Variants in MIPEP observed in about 807,000 individuals in gnomAD.
MIPEP encodes the protein mitochondrial intermediate peptidase.
MIPEP carries 79 observed loss-of-function variants against 90.3 expected under a neutral mutation model. That is an observed-to-expected ratio of 0.87 (90% CI 0.73 to 1.05). The LOEUF (loss-of-function observed/expected upper bound fraction) is 1.05, where lower values mean the gene tolerates loss of function less well. MIPEP is among the 50% of genes least tolerant of loss of function. MIPEP has a pLI of 0.00. For synonymous variants in MIPEP, 334 were observed against 315.8 expected, an observed-to-expected ratio of 1.06 and a Z score of -0.61; for missense variants, 940 against 905.6, an observed-to-expected ratio of 1.04 and a Z score of -0.49.
intron 16 of MIPEP, among the ~76,000 whole-genome samples, chr13:23,789,300 T>C (rs914172298): frequency 6.6e-6 from 1 of 152,252 alleles, no homozygotes; most frequent in South Asian, 2.1e-4. Context: ...TTGTGATTTC[T>C]TCCATTTCTA....
chr13:23,740,432 A>C (rs1952314542), intron 18 of MIPEP, among the ~76,000 whole-genome samples: 1 of 86,720 alleles, frequency 1.2e-5, no homozygotes, highest in Non-Finnish European at 2.2e-5. Flanking sequence ...CTGTGGCCTC[A>C]AAAAAAAAAA....
intron 1 of MIPEP, 74 bp from the exon 2 acceptor site, chr13:23,886,580 C>T (rs1317947527): frequency 4.0e-6 from 5 of 1,259,566 alleles, no homozygotes; most frequent in Non-Finnish European, 5.4e-6. Flanking sequence ...ACTAAAATTA[C>T]TTTTATCACA....
rs1473209408 is a variant in MIPEP, at chr13:23,854,909, A to AC, written c.1106+3950_1106+3951insG. Among the ~76,000 whole-genome samples the AC allele has an allele frequency of 4.0e-5, 6 of 151,750 alleles. No individual in the cohort carries two copies. In the South Asian group the frequency reaches 1.0e-3, roughly 26 times the overall value. ...TCTGTCTCAAAAAAAAAGAAAAAAAAACAATAAACAAACAAACAAACAAAA... is the reference window on the plus strand; with the variant it reads ...TCTGTCTCAAAAAAAAAGAAAAAAAACACAATAAACAAACAAACAAACAAAA... On this transcript the variant is annotated intron_variant, in intron 10 of 18. Transcript: ENST00000382172.
chr13:23,758,625 A>G (rs1276779034), intron 17 of MIPEP, among the ~76,000 whole-genome samples: 1 of 152,228 alleles, frequency 6.6e-6, no homozygotes, highest in African/African-American at 2.4e-5. Flanking sequence ...TAAAAATAAA[A>G]TCTGAAGAGC....
intron 10 of MIPEP, among the ~76,000 whole-genome samples, chr13:23,843,028 C>A (rs1415565703): frequency 7.5e-6 from 1 of 133,316 alleles, no homozygotes. Flanking sequence ...ACCCAGGAGG[C>A]GGAGGTTGAG....
chr13:23,803,659 T>C (rs551624554), intron 16 of MIPEP, among the ~76,000 whole-genome samples: 1 of 152,294 alleles, frequency 6.6e-6, no homozygotes, highest in South Asian at 2.1e-4. Flanking sequence ...TTCACTGATA[T>C]CTGTGCATCC....
At chr13:23,806,223 C>T (rs890627272) in intron 15 of MIPEP, among the ~76,000 whole-genome samples, 154 bp from the exon 16 acceptor site, 1 of 152,190 alleles carries the variant, frequency 6.6e-6, no homozygotes, top group African/African-American at 2.4e-5. Flanking sequence ...AAATGTATTT[C>T]ATACCACATT....
In MIPEP at chr13:23,806,000, G is replaced by A. The variant is rs1378070360; in HGVS notation, c.1798C>T (p.Leu600Phe). Reference protein sequence around the residue: ...HPLRNSTTDILKETQEKFYGL... With the variant: ...HPLRNSTTDIFKETQEKFYGL... Reference sequence around the variant, plus strand: ...TAGAATTTCTCTTGTGTTTCCTTGAGAATGTCTGTGGTTGAATTCCTCAGG... The same window carrying A: ...TAGAATTTCTCTTGTGTTTCCTTGAAAATGTCTGTGGTTGAATTCCTCAGG... Residue 600 changes from leucine (L) to phenylalanine (F), a missense_variant, in exon 16 of 19, where the codon CTC becomes TTC. Transcript: ENST00000382172. 5 of 1,613,990 alleles carry A rather than the reference G, an allele frequency of 3.1e-6. No individual in the cohort carries two copies. In the East Asian group the frequency reaches 6.7e-5, roughly 22 times the overall value.
intron 6 of MIPEP, 113 bp from the exon 7 acceptor site, chr13:23,869,561 A>C: frequency 1.0e-6 from 1 of 1,001,020 alleles, no homozygotes; most frequent in Non-Finnish European, 1.4e-6. Context: ...TGCTTTCAAA[A>C]TAAAGCAATG....
intron 10 of MIPEP, among the ~76,000 whole-genome samples, chr13:23,842,777 G>A (rs959341319): frequency 3.3e-5 from 5 of 152,192 alleles, no homozygotes; most frequent in African/African-American, 1.2e-4. Flanking sequence ...GTGCAGAGTA[G>A]CACCAGGGAA....
chr13:23,817,397 C>T (rs764715603), intron 14 of MIPEP, among the ~76,000 whole-genome samples: 16 of 152,146 alleles, frequency 1.1e-4, no homozygotes, highest in Non-Finnish European at 2.1e-4. Context: ...GAGAATCCCC[C>T]TTTCCTCACC....
At chr13:23,861,598 A>G (rs908265587) in intron 9 of MIPEP, among the ~76,000 whole-genome samples, 1 of 152,180 alleles carries the variant, frequency 6.6e-6, no homozygotes, top group African/African-American at 2.4e-5. Flanking sequence ...CCTTATGACT[A>G]TGGCTCTGGC....
At chr13:23,872,611 C>T (rs1483882887) in intron 5 of MIPEP, among the ~76,000 whole-genome samples, 2 of 152,068 alleles carry the variant, frequency 1.3e-5, no homozygotes, top group Non-Finnish European at 2.9e-5. Flanking sequence ...TAGTGGAGCA[C>T]CTCTGAGAAC....
chr13:23,741,833 AAAAAT>A (rs1322725355), intron 18 of MIPEP, among the ~76,000 whole-genome samples: 5 of 152,068 alleles, frequency 3.3e-5, no homozygotes, highest in African/African-American at 1.2e-4. Flanking sequence ...TTTAAAAAAA[AAAAAT>A]AAAAGTTAAA....
intron 18 of MIPEP, among the ~76,000 whole-genome samples, chr13:23,733,387 A>G (rs1188562263): frequency 6.6e-6 from 1 of 152,206 alleles, no homozygotes; most frequent in Non-Finnish European, 1.5e-5. Context: ...AGGCTGGAAG[A>G]GACTCTGGGA....
At position 23,864,125 on chromosome 13, in the gene MIPEP, T is replaced by C. The variant is rs911656817; in HGVS notation, c.992+16A>G. ...AACATATAACCAAAAAACTAAATAG[T>C]AGAATAAAAACTAACCTTTCAGAAA... On this transcript the variant is annotated intron_variant, in intron 8 of 18. Transcript: ENST00000382172. 3 of 1,441,132 alleles carry C rather than the reference T, an allele frequency of 2.1e-6. No individual in the cohort carries two copies. The highest frequency in any genetic ancestry group is 2.1e-5 in the Admixed American group (1 of 47,370). 89.3% of individuals were successfully genotyped at this position (1,441,132 alleles called of 1,614,324 possible). A position where few individuals can be genotyped will look rare whatever the true frequency, so the allele number is the denominator to read the frequency against.
rs67915328 is a variant in MIPEP, at chr13:23,785,624, T to TA, written c.1848+20325dup. 2.0e-3 allele frequency among the ~76,000 whole-genome samples: 239 copies of TA among 119,274 alleles called. 1 individual carries two copies. The highest frequency in any genetic ancestry group is 0.015 in the East Asian group (59 of 3,872). 78.2% of individuals were successfully genotyped at this position (119,274 alleles called of 152,430 possible). On this transcript the variant is annotated intron_variant, in intron 16 of 18. Coordinates refer to ENST00000382172, the MANE Select transcript of MIPEP (RefSeq NM_005932.4). ...ATGTACCCTAGAACTTAAAGTATAA[T>TA]AAAAAAAAAAAAAAGAAAAAAAGAA...
At chr13:23,827,188 T>C (rs1868495137) in intron 14 of MIPEP, among the ~76,000 whole-genome samples, 1 of 151,742 alleles carries the variant, frequency 6.6e-6, no homozygotes, top group African/African-American at 2.4e-5. Context: ...AGTGATAAAG[T>C]GGACAAAATT....
At chr13:23,861,431 G>A (rs1019125665) in intron 9 of MIPEP, among the ~76,000 whole-genome samples, 3 of 152,116 alleles carry the variant, frequency 2.0e-5, no homozygotes, top group Admixed American at 1.3e-4. Flanking sequence ...ACTAACAGTA[G>A]TTACTTTGCT....
Sources: gnomAD v4.1 joint callset for allele counts (sites outside exome capture counted in the v4.1 genomes callset) on GRCh38, gnomAD v4.1.1 for gene constraint, MANE v1.5 for transcripts, NCBI Gene and HGNC (gene_info 2026-07-23, HGNC 2026-07-21) for gene names.